GAS2: variants seen among roughly 807,000 people sequenced by gnomAD.
GAS2 encodes the protein growth arrest specific 2.
GAS2 carries 20 observed loss-of-function variants against 37.5 expected under a neutral mutation model. That is an observed-to-expected ratio of 0.53 (90% CI 0.37 to 0.77). The LOEUF (loss-of-function observed/expected upper bound fraction) is 0.77, where lower values mean the gene tolerates loss of function less well. Among genes scored for constraint, GAS2 ranks in the 30% least tolerant of loss-of-function variants. The pLI, the probability that GAS2 is intolerant of heterozygous loss-of-function variation, is 0.00. For missense variants in GAS2, 336 were observed against 373.4 expected, an observed-to-expected ratio of 0.90 and a Z score of 0.82; for synonymous variants, 144 against 132.2, an observed-to-expected ratio of 1.09 and a Z score of -0.61.
intron 1 of GAS2, among the ~76,000 whole-genome samples, chr11:22,669,696 C>T (rs11026724): frequency 0.025 from 3,780 of 152,136 alleles, 75 homozygotes; most frequent in East Asian, 0.065. Context: ...TTGAATATAT[C>T]GTTATTGTAA....
chr11:22,667,597 A>G (rs1849035398), intron 1 of GAS2, among the ~76,000 whole-genome samples: 1 of 152,226 alleles, frequency 6.6e-6, no homozygotes, highest in Non-Finnish European at 1.5e-5. Flanking sequence ...TTGGGGAACA[A>G]AGGAGGCAAT....
chr11:22,749,099 T>C lies in GAS2; in HGVS notation c.474-21T>C, dbSNP rs750457422. 12 of 1,596,986 alleles carry C rather than the reference T, an allele frequency of 7.5e-6. No homozygotes were observed. In the African/African-American group the frequency reaches 1.2e-4, roughly 16 times the overall value. ...ATCATTATAAGTTATGCATATGTAA[T>C]GATCCAGGGTCTTTTTAAAGGTATG... On this transcript the variant is annotated intron_variant, in intron 5 of 7. Coordinates refer to ENST00000454584, the MANE Select transcript of GAS2 (RefSeq NM_001143830.3).
chr11:22,716,183 G>C (rs1363798977), intron 3 of GAS2, among the ~76,000 whole-genome samples: 1 of 152,120 alleles, frequency 6.6e-6, no homozygotes, highest in East Asian at 1.9e-4. Context: ...ACATAGAAGG[G>C]ACATACCTTA....
chr11:22,666,220 A>G (rs530903647), upstream of GAS2, among the ~76,000 whole-genome samples: 1 of 152,378 alleles, frequency 6.6e-6, no homozygotes, highest in East Asian at 1.9e-4. Flanking sequence ...TGGTAAAGCA[A>G]AAACAGCCGT....
At chr11:22,665,413 C>T (rs748828912), upstream of GAS2, among the ~76,000 whole-genome samples, 1 of 152,138 alleles carries the variant, frequency 6.6e-6, no homozygotes, top group African/African-American at 2.4e-5. Flanking sequence ...GATCTGATCA[C>T]ATTTTAAGAA....
intron 1 of GAS2, among the ~76,000 whole-genome samples, chr11:22,653,857 A>G (rs993360418): frequency 6.6e-6 from 1 of 152,182 alleles, no homozygotes; most frequent in South Asian, 2.1e-4. Context: ...TGAGGCAAAA[A>G]TCCCAAAAGG....
intron 3 of GAS2, among the ~76,000 whole-genome samples, chr11:22,720,385 A>G (rs1851888718): frequency 6.6e-6 from 1 of 152,028 alleles, no homozygotes; most frequent in Admixed American, 6.6e-5. Flanking sequence ...GAGAGGGTTA[A>G]GATACCACAA....
chr11:22,672,641 T>C (rs1849250229), intron 1 of GAS2: 1 of 152,140 alleles, frequency 6.6e-6, no homozygotes, highest in South Asian at 2.1e-4. Flanking sequence ...GTGGAAGAGA[T>C]TGTGTCTTGA....
At chr11:22,798,324 C>T (rs909306458) in intron 7 of GAS2, among the ~76,000 whole-genome samples, 1 of 151,956 alleles carries the variant, frequency 6.6e-6, no homozygotes, top group Admixed American at 6.6e-5. Flanking sequence ...CATGCTTACA[C>T]ATATTAATAT....
intron 7 of GAS2, among the ~76,000 whole-genome samples, chr11:22,778,677 A>T (rs536735526): frequency 6.6e-6 from 1 of 152,368 alleles, no homozygotes; most frequent in South Asian, 2.1e-4. Flanking sequence ...CTACAAATGT[A>T]ATACTTAATT....
At chr11:22,637,822 T>C (rs903835633) in intron 1 of GAS2, among the ~76,000 whole-genome samples, 17 of 148,266 alleles carry the variant, frequency 1.1e-4, no homozygotes. Flanking sequence ...GTATATATTT[T>C]ATATATATTT....
chr11:22,789,454 A>ATATTTTTT (rs1564889924), intron 7 of GAS2, among the ~76,000 whole-genome samples: 1 of 61,214 alleles, frequency 1.6e-5, no homozygotes, highest in Non-Finnish European at 3.3e-5. Flanking sequence ...ATATATATAT[A>ATATTTTTT]TTCTTTTTTT....
chr11:22,754,860 G>GA (rs1853939999), intron 6 of GAS2, among the ~76,000 whole-genome samples: 1 of 152,120 alleles, frequency 6.6e-6, no homozygotes, highest in African/African-American at 2.4e-5. Flanking sequence ...TTCGGGTGAG[G>GA]AAAATCCAGG....
intron 7 of GAS2, among the ~76,000 whole-genome samples, chr11:22,765,604 C>A (rs1197886453): frequency 1.3e-5 from 2 of 151,922 alleles, no homozygotes; most frequent in South Asian, 2.1e-4. Flanking sequence ...ACTGTGAAAC[C>A]CTGTCTCTAC....
At chr11:22,760,723 T>C (rs907081640) in intron 7 of GAS2, among the ~76,000 whole-genome samples, 1 of 152,194 alleles carries the variant, frequency 6.6e-6, no homozygotes, top group Admixed American at 6.5e-5. Flanking sequence ...ATGGGAATAA[T>C]AGAAAATAGT....
At chr11:22,790,750 A>AAT (rs1240552876) in intron 7 of GAS2, among the ~76,000 whole-genome samples, 1 of 152,086 alleles carries the variant, frequency 6.6e-6, no homozygotes, top group East Asian at 1.9e-4. Flanking sequence ...GGCGTGAGCC[A>AAT]CCACACCCAG....
upstream of GAS2, among the ~76,000 whole-genome samples, chr11:22,666,424 T>C (rs1848986326): frequency 6.6e-6 from 1 of 152,106 alleles, no homozygotes; most frequent in Non-Finnish European, 1.5e-5. Flanking sequence ...CTGTTAAACC[T>C]CTAGAGTTAA....
intron 3 of GAS2, among the ~76,000 whole-genome samples, chr11:22,710,580 A>G (rs1851357253): frequency 6.6e-6 from 1 of 152,010 alleles, no homozygotes. Flanking sequence ...AGAGACAGAA[A>G]AACTGATGCA....
At chr11:22,769,757 G>T (rs1196401504) in intron 7 of GAS2, among the ~76,000 whole-genome samples, 3 of 152,142 alleles carry the variant, frequency 2.0e-5, no homozygotes, top group Non-Finnish European at 4.4e-5. Flanking sequence ...TGTGAGTTTG[G>T]AATCTCTAAT....
Sources: allele counts gnomAD v4.1 joint callset (sites outside exome capture counted in the v4.1 genomes callset), GRCh38; gene constraint gnomAD v4.1.1; transcripts MANE v1.5; gene names NCBI Gene and HGNC (gene_info 2026-07-23, HGNC 2026-07-21).